Variants in RAB27B observed in about 807,000 individuals in gnomAD.
RAB27B encodes RAB27B, member RAS oncogene family.
In RAB27B, 15 loss-of-function variants were observed where a neutral mutation model predicts 24.6. That is an observed-to-expected ratio of 0.61 (90% CI 0.41 to 0.94). RAB27B has a LOEUF of 0.94. RAB27B is among the 40% of genes least tolerant of loss of function. RAB27B has a pLI of 0.00. For synonymous variants in RAB27B, 105 were observed against 92.5 expected, an observed-to-expected ratio of 1.14 and a Z score of -0.78; for missense variants, 261 against 266.8, an observed-to-expected ratio of 0.98 and a Z score of 0.15.
chr18:54,754,753 A>C (rs1907950048), intron 2 of RAB27B, among the ~76,000 whole-genome samples: 1 of 152,224 alleles, frequency 6.6e-6, no homozygotes, highest in Non-Finnish European at 1.5e-5. Context: ...GCATAACTAT[A>C]ATTATCCTGA....
At chr18:54,729,399 C>G (rs933665813) in intron 2 of RAB27B, among the ~76,000 whole-genome samples, 7 of 152,000 alleles carry the variant, frequency 4.6e-5, no homozygotes, top group African/African-American at 7.2e-5. Flanking sequence ...CACACTTAAC[C>G]CCAAGAAGGA....
chr18:54,895,381 C>T lies in RAB27B; in HGVS notation c.*5968C>T, dbSNP rs1399383041. ...ACTGTTAGGTCATTATTTTGTTGTA[C>T]CAAAGTTCTAGTGGCTTCAGAAATC... On this transcript the variant is annotated 3_prime_UTR_variant, in exon 6 of 6. Transcript: ENST00000262094. 2 of 151,964 alleles carry T rather than the reference C, an allele frequency of 1.3e-5. No homozygotes were observed. The highest frequency in any genetic ancestry group is 2.4e-5 in the African/African-American group (1 of 41,396). The allele number at this position is 151,964 out of a possible 1,614,324, so 9.4% of individuals were successfully genotyped here.
chr18:54,862,322 A>G (rs1272418695), intron 1 of RAB27B, among the ~76,000 whole-genome samples: 1 of 152,178 alleles, frequency 6.6e-6, no homozygotes, highest in African/African-American at 2.4e-5. Flanking sequence ...AAAGCATATT[A>G]AGGACATTTA....
chr18:54,877,553 C>T lies in RAB27B; in HGVS notation c.-19-14C>T, dbSNP rs772330735. On this transcript the variant is annotated splice_polypyrimidine_tract_variant and intron_variant, in intron 1 of 5. Transcript: ENST00000262094. ...CTTTAATCAAAACATACTTGTTTTC[C>T]CTCTCCTATACAGACCGACCAAGAC... 2.9e-6 allele frequency: 4 copies of T among 1,359,820 alleles called. No homozygotes were observed. The highest frequency in any genetic ancestry group is 1.5e-5 in the African/African-American group (1 of 66,204). The allele number at this position is 1,359,820 out of a possible 1,614,324, so 84.2% of individuals were successfully genotyped here. A position where few individuals can be genotyped will look rare whatever the true frequency, so the allele number is the denominator to read the frequency against.
At chr18:54,769,943 A>G (rs1023182482) in intron 2 of RAB27B, among the ~76,000 whole-genome samples, 2 of 152,094 alleles carry the variant, frequency 1.3e-5, no homozygotes, top group African/African-American at 2.4e-5. Flanking sequence ...TCTTGGCTCA[A>G]TGCAACCTCA....
chr18:54,849,582 G>T (rs1317514553), intron 1 of RAB27B, among the ~76,000 whole-genome samples: 1 of 152,088 alleles, frequency 6.6e-6, no homozygotes, highest in Non-Finnish European at 1.5e-5. Context: ...TTAGCCAGAC[G>T]TGGTGGCATG....
chr18:54,855,870 A>G (rs1911764618), intron 1 of RAB27B, among the ~76,000 whole-genome samples: 1 of 152,246 alleles, frequency 6.6e-6, no homozygotes, highest in South Asian at 2.1e-4. Context: ...GTTTTCTAAT[A>G]TGTACACCCT....
At chr18:54,807,800 G>T (rs1909838634) in intron 2 of RAB27B, among the ~76,000 whole-genome samples, 3 of 152,160 alleles carry the variant, frequency 2.0e-5, no homozygotes, top group Admixed American at 2.0e-4. Flanking sequence ...GCTGGCAGGG[G>T]ACAAACTGTG....
intron 1 of RAB27B, among the ~76,000 whole-genome samples, chr18:54,846,277 A>G (rs1911333910): frequency 6.6e-6 from 1 of 152,248 alleles, no homozygotes; most frequent in Non-Finnish European, 1.5e-5. Flanking sequence ...AAATGAAAGC[A>G]CATAGAAAAC....
intron 1 of RAB27B, among the ~76,000 whole-genome samples, chr18:54,865,685 T>C (rs1481188793): frequency 6.6e-6 from 1 of 152,226 alleles, no homozygotes. Context: ...ACGTCTTCTT[T>C]TGAAGAATTT....
At chr18:54,748,384 G>A (rs982961206) in intron 2 of RAB27B, among the ~76,000 whole-genome samples, 11 of 151,588 alleles carry the variant, frequency 7.3e-5, no homozygotes, top group South Asian at 2.1e-4. Flanking sequence ...GATTCACTAT[G>A]ATATATGTCA....
upstream of RAB27B, among the ~76,000 whole-genome samples, chr18:54,823,728 G>A (rs1568081474): frequency 6.6e-6 from 1 of 152,044 alleles, no homozygotes; most frequent in Non-Finnish European, 1.5e-5. Flanking sequence ...TTTCTCCACT[G>A]CTTATAGATC....
chr18:54,740,780 G>T (rs1402203042), intron 2 of RAB27B, among the ~76,000 whole-genome samples: 1 of 152,142 alleles, frequency 6.6e-6, no homozygotes, highest in Admixed American at 6.5e-5. Flanking sequence ...TATATAGCAG[G>T]CTCTCACTAA....
At chr18:54,804,912 TTCTTTCTTTCTTTCTTTCTTTC>T (rs1444122975) in intron 2 of RAB27B, among the ~76,000 whole-genome samples, 7 of 20,286 alleles carry the variant, frequency 3.5e-4, no homozygotes, top group Non-Finnish European at 1.3e-3. Context: ...CTCTCTTTCT[TTCTTTCTTTCTTTCTTTCTTTC>T]TTTCTTTCTT....
intron 1 of RAB27B, among the ~76,000 whole-genome samples, chr18:54,855,349 G>T (rs897321624): frequency 2.0e-5 from 3 of 152,158 alleles, no homozygotes; most frequent in African/African-American, 7.2e-5. Context: ...ATGGGACCAT[G>T]CCAAGGGTCC....
intron 1 of RAB27B, among the ~76,000 whole-genome samples, chr18:54,871,902 C>T (rs1179312297): frequency 6.7e-6 from 1 of 148,326 alleles, no homozygotes; most frequent in Non-Finnish European, 1.5e-5. Flanking sequence ...TAATTTAATA[C>T]GTTAAAGTCA....
chr18:54,873,685 C>CTGTGTGTGTGTGTGTG (rs56409312), intron 1 of RAB27B, among the ~76,000 whole-genome samples: 9 of 140,760 alleles, frequency 6.4e-5, no homozygotes, highest in Non-Finnish European at 1.1e-4. Flanking sequence ...GAGCCAAATC[C>CTGTGTGTGTGTGTGTG]TGTGTGTGTG....
At chr18:54,781,489 G>C (rs1908917292) in intron 2 of RAB27B, among the ~76,000 whole-genome samples, 1 of 151,854 alleles carries the variant, frequency 6.6e-6, no homozygotes. Flanking sequence ...CAAAGTCTTG[G>C]TTGCATCTAG....
intron 1 of RAB27B, among the ~76,000 whole-genome samples, chr18:54,850,333 G>GACATATATATGTATATATATATATATAT (rs869079784): frequency 1.1e-5 from 1 of 95,156 alleles, no homozygotes; most frequent in Non-Finnish European, 2.0e-5. Flanking sequence ...AAACAAACAG[G>GACATATATATGTATATATATATATATAT]ATATATATAT....
Sources: allele counts gnomAD v4.1 joint callset (sites outside exome capture counted in the v4.1 genomes callset), GRCh38; gene constraint gnomAD v4.1.1; transcripts MANE v1.5; gene names NCBI Gene and HGNC (gene_info 2026-07-23, HGNC 2026-07-21).